MARK3: variants seen among roughly 807,000 people sequenced by gnomAD.
MARK3 encodes the protein MAP/microtubule affinity-regulating kinase 3.
A neutral mutation model predicts 90.1 loss-of-function variants in MARK3; 46 were observed. The observed-to-expected ratio is 0.51, with a 90% CI of 0.40 to 0.65. The LOEUF is 0.65. Ranked by LOEUF, MARK3 falls within the 30% of genes least tolerant of loss-of-function variation. The probability of loss-of-function intolerance (pLI) is 0.00; values close to 1 mark genes in which losing one functional copy is unlikely to be tolerated. For missense variants in MARK3, 818 were observed against 947.2 expected, an observed-to-expected ratio of 0.86 and a Z score of 1.79; for synonymous variants, 321 against 332.6, an observed-to-expected ratio of 0.97 and a Z score of 0.38.
intron 3 of MARK3, among the ~76,000 whole-genome samples, chr14:103,446,685 T>C (rs1325812080): frequency 1.3e-5 from 2 of 149,080 alleles, no homozygotes; most frequent in East Asian, 2.0e-4. Flanking sequence ...TATATTGATA[T>C]GGCATCCAAA....
chr14:103,423,589 A>AT (rs2092301606), intron 2 of MARK3, among the ~76,000 whole-genome samples: 1 of 152,104 alleles, frequency 6.6e-6, no homozygotes, highest in African/African-American at 2.4e-5. Context: ...GCAATCGGGG[A>AT]TACCCCAGTT....
chr14:103,448,874 A>G (rs759971122), intron 3 of MARK3, 45 bp from the exon 4 acceptor site: 2 of 1,485,242 alleles, frequency 1.3e-6, no homozygotes, highest in Non-Finnish European at 9.1e-7. Flanking sequence ...ATGTTTAATA[A>G]CTTGTGTTGG....
chr14:103,478,326 C>T (rs865944791), intron 13 of MARK3, among the ~76,000 whole-genome samples: 4 of 151,458 alleles, frequency 2.6e-5, no homozygotes, highest in Middle Eastern at 6.9e-3. Context: ...ACCTGTATCC[C>T]TTAAGTAATC....
intron 3 of MARK3, among the ~76,000 whole-genome samples, chr14:103,431,988 C>A (rs1366606363): frequency 6.6e-6 from 1 of 151,524 alleles, no homozygotes; most frequent in African/African-American, 2.4e-5. Context: ...CCCCCTCCCA[C>A]CTGAATTTGT....
chr14:103,430,859 A>T (rs1761266930), intron 3 of MARK3, among the ~76,000 whole-genome samples: 1 of 151,730 alleles, frequency 6.6e-6, no homozygotes, highest in East Asian at 1.9e-4. Context: ...CTGGTGAGAG[A>T]TTTATTTTTC....
At chr14:103,399,536 A>C (rs2090808250) in intron 1 of MARK3, among the ~76,000 whole-genome samples, 2 of 151,916 alleles carry the variant, frequency 1.3e-5, no homozygotes, top group Non-Finnish European at 1.5e-5. Flanking sequence ...TCTCTACTAA[A>C]AATACGAAAA....
At chr14:103,389,943 CAAAAAAA>C (rs71126011) in intron 1 of MARK3, among the ~76,000 whole-genome samples, 17 of 29,620 alleles carry the variant, frequency 5.7e-4, no homozygotes, top group African/African-American at 7.0e-4. Flanking sequence ...TACTCCGTCT[CAAAAAAA>C]AAAAAAAAAA....
chr14:103,438,713 G>A (rs2092776415), intron 3 of MARK3, among the ~76,000 whole-genome samples: 1 of 151,436 alleles, frequency 6.6e-6, no homozygotes, highest in East Asian at 1.9e-4. Flanking sequence ...CACATTATTG[G>A]CCAGGCATGG....
At chr14:103,414,691 A>G (rs1046646256) in intron 2 of MARK3, among the ~76,000 whole-genome samples, 1 of 152,208 alleles carries the variant, frequency 6.6e-6, no homozygotes, top group African/African-American at 2.4e-5. Context: ...TTAAAGGCTT[A>G]TTGTGTATTA....
At chr14:103,429,853 C>G (rs969666151) in intron 3 of MARK3, among the ~76,000 whole-genome samples, 1 of 152,198 alleles carries the variant, frequency 6.6e-6, no homozygotes. Flanking sequence ...TACATACCTT[C>G]CACTATTCAT....
chr14:103,463,610 T>A (rs2093443377), intron 7 of MARK3, among the ~76,000 whole-genome samples: 1 of 152,212 alleles, frequency 6.6e-6, no homozygotes, highest in Non-Finnish European at 1.5e-5. Flanking sequence ...TCTCTTAAGC[T>A]CACTCTTTTA....
intron 2 of MARK3, among the ~76,000 whole-genome samples, chr14:103,414,549 C>G (rs2091850108): frequency 6.6e-6 from 1 of 152,186 alleles, no homozygotes; most frequent in African/African-American, 2.4e-5. Flanking sequence ...TGTCAGCGTT[C>G]TCTTGCCCTG....
At chr14:103,409,735 G>C (rs1009981682) in intron 2 of MARK3, among the ~76,000 whole-genome samples, 1 of 152,066 alleles carries the variant, frequency 6.6e-6, no homozygotes, top group Non-Finnish European at 1.5e-5. Context: ...AATGTACCTT[G>C]ACCATGTCTG....
At chr14:103,469,874 A>C (rs1365009288) in intron 12 of MARK3, among the ~76,000 whole-genome samples, 1 of 151,794 alleles carries the variant, frequency 6.6e-6, no homozygotes, top group Admixed American at 6.6e-5. Flanking sequence ...TAGCCTGACC[A>C]ACGTGGTGAA....
intron 2 of MARK3, among the ~76,000 whole-genome samples, chr14:103,424,418 G>T (rs1217252050): frequency 6.6e-6 from 1 of 151,722 alleles, no homozygotes; most frequent in African/African-American, 2.4e-5. Context: ...CCATCTACTC[G>T]GGAGGCTGAG....
Position 103,423,730 on chromosome 14 carries a change from C to T in MARK3, c.244-4657C>T, listed in dbSNP as rs189242088. Among the ~76,000 whole-genome samples, 8 of 152,304 alleles carry T rather than the reference C, an allele frequency of 5.3e-5. No individual in the cohort carries two copies. The East Asian group carries it at 1.4e-3, about 26-fold the overall frequency. On this transcript the variant is annotated intron_variant, in intron 2 of 17. Transcript: ENST00000429436. ...AGGAAGAGGGGATTAGGAACTCCCG[C>T]TCAGGCTTCCTTGCTGCACGTACAC...
intron 2 of MARK3, among the ~76,000 whole-genome samples, chr14:103,427,063 C>G (rs1440768558): frequency 2.6e-5 from 4 of 151,770 alleles, no homozygotes; most frequent in Non-Finnish European, 5.9e-5. Flanking sequence ...CTCTCTCTCT[C>G]TCTTTTTTTC....
intron 2 of MARK3, among the ~76,000 whole-genome samples, chr14:103,428,127 G>T (rs1349349899): frequency 6.6e-6 from 1 of 152,148 alleles, no homozygotes; most frequent in South Asian, 2.1e-4. Flanking sequence ...GCCAAATAGG[G>T]GTGATGATAT....
intron 14 of MARK3, among the ~76,000 whole-genome samples, chr14:103,487,820 G>A (rs576806414): frequency 5.9e-5 from 9 of 152,150 alleles, no homozygotes; most frequent in South Asian, 2.1e-4. Context: ...AGGCTGAGCC[G>A]GGTGGATCAC....
Sources: gnomAD v4.1 joint callset for allele counts (sites outside exome capture counted in the v4.1 genomes callset) on GRCh38, gnomAD v4.1.1 for gene constraint, MANE v1.5 for transcripts, NCBI Gene and HGNC (gene_info 2026-07-23, HGNC 2026-07-21) for gene names.